Variants in CACNA2D3 observed in about 807,000 individuals in gnomAD.
CACNA2D3 encodes calcium voltage-gated channel auxiliary subunit alpha2delta 3.
Under a neutral mutation model 160.6 loss-of-function variants are expected in CACNA2D3, and 60 were observed. The observed-to-expected ratio is 0.37, with a 90% CI of 0.30 to 0.46. CACNA2D3 has a LOEUF of 0.46. Ranked by LOEUF, CACNA2D3 falls within the 20% of genes least tolerant of loss-of-function variation. CACNA2D3 has a pLI of 1.00. For missense variants in CACNA2D3, 1,205 were observed against 1,365.0 expected (o/e 0.88, Z 1.85); for synonymous variants, 558 against 492.9 (o/e 1.13, Z -1.75).
intron 11 of CACNA2D3, among the ~76,000 whole-genome samples, chr3:54,703,376 C>G (rs184983556): frequency 2.0e-5 from 3 of 152,090 alleles, no homozygotes; most frequent in African/African-American, 7.2e-5. Context: ...TTTTACAGGC[C>G]TAATCCTACT....
intron 11 of CACNA2D3, among the ~76,000 whole-genome samples, chr3:54,729,128 T>G (rs1701334130): frequency 6.6e-6 from 1 of 152,028 alleles, no homozygotes; most frequent in South Asian, 2.1e-4. Context: ...TTCATGCCCT[T>G]CCCTATGATC....
At chr3:54,710,981 A>G (rs1700942240) in intron 11 of CACNA2D3, among the ~76,000 whole-genome samples, 1 of 152,196 alleles carries the variant, frequency 6.6e-6, no homozygotes, top group Non-Finnish European at 1.5e-5. Flanking sequence ...ACTGTCATTC[A>G]TCTGTGGCTA....
intron 2 of CACNA2D3, among the ~76,000 whole-genome samples, chr3:54,201,537 T>C (rs181939966): frequency 8.6e-4 from 131 of 152,362 alleles, no homozygotes; most frequent in African/African-American, 3.0e-3. Flanking sequence ...AAATCACTTA[T>C]AGGGAATTGT....
intron 12 of CACNA2D3, among the ~76,000 whole-genome samples, chr3:54,759,253 C>T (rs1702036757): frequency 6.6e-6 from 1 of 151,944 alleles, no homozygotes; most frequent in African/African-American, 2.4e-5. Context: ...TGTTTTCTTA[C>T]ATGATATATG....
intron 3 of CACNA2D3, among the ~76,000 whole-genome samples, chr3:54,342,701 T>C (rs1053526714): frequency 6.1e-4 from 92 of 152,016 alleles, no homozygotes; most frequent in Non-Finnish European, 8.8e-4. Context: ...ACCTCCTGAG[T>C]TTCAGGAGAT....
At chr3:54,972,242 A>G (rs929999918) in intron 29 of CACNA2D3, among the ~76,000 whole-genome samples, 2 of 152,166 alleles carry the variant, frequency 1.3e-5, no homozygotes, top group Non-Finnish European at 2.9e-5. Flanking sequence ...TTAAGCCTTG[A>G]AGTTGCCCTG....
At chr3:54,413,041 C>T (rs968549054) in intron 4 of CACNA2D3, among the ~76,000 whole-genome samples, 1 of 151,698 alleles carries the variant, frequency 6.6e-6, no homozygotes, top group African/African-American at 2.4e-5. Flanking sequence ...GCTTAAAGAC[C>T]CCTTTTAGCA....
At chr3:54,171,109 C>T (rs1274862540) in intron 2 of CACNA2D3, among the ~76,000 whole-genome samples, 1 of 112,428 alleles carries the variant, frequency 8.9e-6, no homozygotes, top group Admixed American at 9.7e-5. Context: ...TTTCATGAGC[C>T]TTCTGTTTAC....
intron 11 of CACNA2D3, among the ~76,000 whole-genome samples, chr3:54,723,697 C>T (rs146235276): frequency 1.7e-3 from 256 of 152,330 alleles, no homozygotes; most frequent in Non-Finnish European, 2.7e-3. Flanking sequence ...CTTCGGCTCA[C>T]CCTCCGTGGG....
intron 17 of CACNA2D3, among the ~76,000 whole-genome samples, chr3:54,857,202 A>T (rs1215026666): frequency 6.6e-6 from 1 of 152,210 alleles, no homozygotes; most frequent in Non-Finnish European, 1.5e-5. Flanking sequence ...TGGGTTCTGG[A>T]ATCTGTTCAT....
At chr3:54,533,584 C>T (rs1559506336) in intron 5 of CACNA2D3, among the ~76,000 whole-genome samples, 1 of 152,124 alleles carries the variant, frequency 6.6e-6, no homozygotes. Context: ...ATCTGCCTGC[C>T]TCAGCTTCCC....
chr3:54,641,883 C>T (rs1156899720), intron 10 of CACNA2D3, among the ~76,000 whole-genome samples: 2 of 152,170 alleles, frequency 1.3e-5, no homozygotes, highest in South Asian at 2.1e-4. Flanking sequence ...TTCCCTTGGC[C>T]AACAGTAAGG....
chr3:54,227,578 A>C (rs2107387168), intron 2 of CACNA2D3, among the ~76,000 whole-genome samples: 1 of 151,906 alleles, frequency 6.6e-6, no homozygotes, highest in East Asian at 1.9e-4. Flanking sequence ...GCGGGGGGGC[A>C]GAGTCTCGCT....
intron 8 of CACNA2D3, among the ~76,000 whole-genome samples, chr3:54,573,812 T>C (rs1575354076): frequency 6.6e-6 from 1 of 152,254 alleles, no homozygotes; most frequent in African/African-American, 2.4e-5. Flanking sequence ...CCTTGAATTG[T>C]CTCTCCCAAT....
intron 4 of CACNA2D3, among the ~76,000 whole-genome samples, chr3:54,472,879 A>G (rs1270855314): frequency 3.9e-5 from 6 of 152,240 alleles, no homozygotes; most frequent in Non-Finnish European, 8.8e-5. Context: ...GCTCAAGGAA[A>G]TAAAAGAGGA....
At chr3:55,001,887 G>A (rs748732145) in intron 31 of CACNA2D3, among the ~76,000 whole-genome samples, 4 of 152,192 alleles carry the variant, frequency 2.6e-5, no homozygotes, top group African/African-American at 4.8e-5. Context: ...GGCCGAGCGC[G>A]GTGGCTCACG....
intron 17 of CACNA2D3, among the ~76,000 whole-genome samples, chr3:54,850,433 T>C (rs1383423004): frequency 3.3e-5 from 5 of 152,234 alleles, no homozygotes; most frequent in African/African-American, 9.6e-5. Context: ...TTGTTAAACA[T>C]TGAAGTATAG....
chr3:54,436,714 G>A (rs775944201), intron 4 of CACNA2D3, among the ~76,000 whole-genome samples: 8 of 152,192 alleles, frequency 5.3e-5, no homozygotes, highest in Non-Finnish European at 1.2e-4. Context: ...TCACTCATAA[G>A]TGGGAGTTGA....
At chr3:55,041,900 T>C (rs1240920655) in intron 35 of CACNA2D3, among the ~76,000 whole-genome samples, 1 of 152,156 alleles carries the variant, frequency 6.6e-6, no homozygotes, top group African/African-American at 2.4e-5. Flanking sequence ...TTGTGATTTC[T>C]TTTGGCATGT....
Sources: allele counts gnomAD v4.1 joint callset (sites outside exome capture counted in the v4.1 genomes callset), GRCh38; gene constraint gnomAD v4.1.1; transcripts MANE v1.5; gene names NCBI Gene and HGNC (gene_info 2026-07-23, HGNC 2026-07-21).